Variants in DENND1B observed in about 807,000 individuals in gnomAD.
The protein encoded by DENND1B is DENN domain containing 1B.
Under a neutral mutation model 90.1 loss-of-function variants are expected in DENND1B, and 59 were observed. That is an observed-to-expected ratio of 0.65 (90% CI 0.53 to 0.81). The LOEUF (loss-of-function observed/expected upper bound fraction) is 0.81. DENND1B is among the 40% of genes least tolerant of loss of function. DENND1B has a pLI of 0.00. For synonymous variants in DENND1B, 337 were observed against 324.6 expected (o/e 1.04, Z -0.41); for missense variants, 862 against 912.6 (o/e 0.94, Z 0.71).
chr1:197,573,366 C>T (rs1034690115), intron 15 of DENND1B, among the ~76,000 whole-genome samples: 4 of 152,116 alleles, frequency 2.6e-5, no homozygotes, highest in Non-Finnish European at 5.9e-5. Context: ...TTTCAAAGAA[C>T]ATCTTTATTT....
intron 7 of DENND1B, among the ~76,000 whole-genome samples, chr1:197,648,591 T>A (rs1460221483): frequency 6.6e-6 from 1 of 152,200 alleles, no homozygotes; most frequent in African/African-American, 2.4e-5. Context: ...AGAATAACTT[T>A]ATAAATATAA....
intron 15 of DENND1B, among the ~76,000 whole-genome samples, chr1:197,560,030 G>A (rs1672033583): frequency 6.6e-6 from 1 of 151,806 alleles, no homozygotes; most frequent in Non-Finnish European, 1.5e-5. Flanking sequence ...AGACTACCAT[G>A]GTATCATGAA....
chr1:197,563,558 C>A (rs185533283), intron 15 of DENND1B, among the ~76,000 whole-genome samples: 3 of 152,068 alleles, frequency 2.0e-5, no homozygotes. Context: ...TGACTGCTTA[C>A]TGACAATGCA....
At chr1:197,513,009 A>C in intron 20 of DENND1B, 56 bp from the exon 21 acceptor site, 12 of 1,450,308 alleles carry the variant, frequency 8.3e-6, no homozygotes, top group Non-Finnish European at 1.1e-5. Context: ...AAGTCTCTTT[A>C]GCAAATTTTA....
chr1:197,647,975 C>T (rs1441649599), intron 7 of DENND1B, among the ~76,000 whole-genome samples: 3 of 150,400 alleles, frequency 2.0e-5, no homozygotes, highest in Non-Finnish European at 4.4e-5. Flanking sequence ...GATATTATAA[C>T]TTTAAAATAG....
intron 18 of DENND1B, 69 bp downstream of exon 18, chr1:197,545,853 T>TA (rs1362419187): frequency 1.6e-6 from 2 of 1,282,948 alleles, no homozygotes. Flanking sequence ...TCAGAATTTA[T>TA]ATGTCTATCA....
intron 2 of DENND1B, among the ~76,000 whole-genome samples, chr1:197,771,775 A>G (rs929094418): frequency 6.6e-6 from 1 of 152,224 alleles, no homozygotes; most frequent in South Asian, 2.1e-4. Flanking sequence ...CTTAATCATC[A>G]TGCTATCCAG....
intron 17 of DENND1B, 84 bp downstream of exon 17, chr1:197,546,649 C>A: frequency 9.2e-7 from 1 of 1,092,390 alleles, no homozygotes; most frequent in African/African-American, 1.6e-5. Context: ...AAATAAACAG[C>A]ATAAGTATAA....
intron 3 of DENND1B, among the ~76,000 whole-genome samples, chr1:197,698,960 A>ACAGCTGAATTCTACCAGAAATAC (rs1288049133): frequency 1.3e-5 from 2 of 152,210 alleles, no homozygotes; most frequent in Non-Finnish European, 2.9e-5. Context: ...AGATGGATTC[A>ACAGCTGAATTCTACCAGAAATAC]CAGCTGAATT....
intron 2 of DENND1B, among the ~76,000 whole-genome samples, chr1:197,744,307 A>G (rs985372284): frequency 6.6e-6 from 1 of 152,210 alleles, no homozygotes; most frequent in Non-Finnish European, 1.5e-5. Flanking sequence ...GGGCATCTAT[A>G]GCCTTTCAAA....
intron 3 of DENND1B, among the ~76,000 whole-genome samples, chr1:197,677,528 T>C (rs998049384): frequency 6.6e-6 from 1 of 152,110 alleles, no homozygotes; most frequent in Non-Finnish European, 1.5e-5. Flanking sequence ...AATTAATCAC[T>C]CACCAAGTCC....
intron 3 of DENND1B, among the ~76,000 whole-genome samples, chr1:197,697,780 C>G (rs1001423205): frequency 6.6e-6 from 1 of 151,596 alleles, no homozygotes; most frequent in African/African-American, 2.4e-5. Flanking sequence ...TAGTCTCTGA[C>G]AAAATAGACT....
intron 2 of DENND1B, among the ~76,000 whole-genome samples, chr1:197,762,538 T>C (rs1467289589): frequency 6.6e-6 from 1 of 152,210 alleles, no homozygotes; most frequent in Non-Finnish European, 1.5e-5. Flanking sequence ...TCATCTCACA[T>C]ACTTACCTCT....
At chr1:197,718,624 T>C (rs947732157) in intron 2 of DENND1B, among the ~76,000 whole-genome samples, 1 of 151,900 alleles carries the variant, frequency 6.6e-6, no homozygotes, top group Non-Finnish European at 1.5e-5. Flanking sequence ...CAGGAGCACA[T>C]AATAAGGAAA....
chr1:197,662,210 T>C (rs567111547), intron 5 of DENND1B, among the ~76,000 whole-genome samples: 1 of 152,186 alleles, frequency 6.6e-6, no homozygotes, highest in South Asian at 2.1e-4. Context: ...ATTATTTCTA[T>C]TTGGGGAGTA....
In DENND1B at chr1:197,553,423, G is replaced by A. The variant is rs557317613; in HGVS notation, c.1150-311C>T. ...AAAGATCATAGGCTCTGGATAGGTT[G>A]CTCAATGCACAATCTCTACAGAGGA... On this transcript the variant is annotated intron_variant, in intron 15 of 22. Transcript: ENST00000620048. 2.3e-3 allele frequency among the ~76,000 whole-genome samples: 344 copies of A among 152,254 alleles called. 2 individuals carry two copies. The highest frequency in any genetic ancestry group is 8.0e-3 in the African/African-American group (331 of 41,574).
upstream of DENND1B, among the ~76,000 whole-genome samples, chr1:197,777,865 G>T (rs1775446): frequency 0.81 from 123,175 of 152,116 alleles, 49,915 homozygotes; most frequent in East Asian, 0.87. Context: ...GGTTTGTAAA[G>T]AATATATATT....
intron 2 of DENND1B, among the ~76,000 whole-genome samples, chr1:197,768,284 C>T (rs1655973300): frequency 6.6e-6 from 1 of 151,974 alleles, no homozygotes; most frequent in African/African-American, 2.4e-5. Context: ...CCTACTACTA[C>T]TGCTACTATT....
chr1:197,706,907 C>T (rs1233299568), intron 3 of DENND1B, among the ~76,000 whole-genome samples: 1 of 152,078 alleles, frequency 6.6e-6, no homozygotes, highest in Non-Finnish European at 1.5e-5. Context: ...ATCATATGAT[C>T]CAGCAATCCC....
Sources: allele counts gnomAD v4.1 joint callset (sites outside exome capture counted in the v4.1 genomes callset), GRCh38; gene constraint gnomAD v4.1.1; transcripts MANE v1.5; gene names NCBI Gene and HGNC (gene_info 2026-07-23, HGNC 2026-07-21).